The following NKTR variants were observed in gnomAD, a reference collection of about 807,000 sequenced individuals.
NKTR encodes the protein NK-tumor recognition protein.
NKTR carries 67 observed loss-of-function variants against 156.3 expected under a neutral mutation model. The observed-to-expected ratio is 0.43, with a 90% CI of 0.35 to 0.53. The LOEUF is 0.53. NKTR is among the 20% of genes least tolerant of loss of function. NKTR has a pLI of 0.01. For synonymous variants in NKTR, 640 were observed against 596.6 expected (o/e 1.07, Z -1.06); for missense variants, 1,604 against 1,730.9 (o/e 0.93, Z 1.30).
At chr3:42,641,845 T>C (rs1709914565) in intron 13 of NKTR, among the ~76,000 whole-genome samples, 1 of 147,704 alleles carries the variant, frequency 6.8e-6, no homozygotes, top group South Asian at 2.1e-4. Context: ...GCCACTGCAC[T>C]CCAGCCTGGG....
At chr3:42,628,046 G>GC in intron 6 of NKTR, 1 of 985,382 alleles carries the variant, frequency 1.0e-6, no homozygotes, top group East Asian at 1.1e-4. Flanking sequence ...TTAGCCAAGT[G>GC]CCAGTAACCC....
rs994864927 is a variant in NKTR at position 42,600,864 on chromosome 3, T to C, written c.-24+86T>C. On this transcript the variant is annotated intron_variant, in intron 1 of 16. Transcript: ENST00000232978. ...GGGGCCTCGTCTTGGCCTCCTGCGC[T>C]GTCGCGACGGGCCGGCGTGAGGCAC... is the stretch of plus-strand genomic sequence containing the variant. 3 of 568,006 alleles carry C rather than the reference T, an allele frequency of 5.3e-6. No homozygotes were observed. In the African/African-American group the frequency reaches 5.9e-5, roughly 11 times the overall value. The allele number at this position is 568,006 out of a possible 1,614,324, so 35.2% of individuals were successfully genotyped here.
At chr3:42,635,400 CTGTTA>C (rs1577554688) in intron 12 of NKTR, 34 bp downstream of exon 12, 1 of 1,530,060 alleles carries the variant, frequency 6.5e-7, no homozygotes, top group Non-Finnish European at 8.9e-7. Flanking sequence ...AATCCTGTGT[CTGTTA>C]TATTTTAAAT....
chr3:42,600,920 T>C (rs1705339448), intron 1 of NKTR, 64 bp from the exon 2 acceptor site: 2 of 1,018,230 alleles, frequency 2.0e-6, no homozygotes, highest in Non-Finnish European at 1.3e-6. Context: ...AGCCCCGCCC[T>C]CGCCCCTGCC....
intron 15 of NKTR, 46 bp from the exon 16 acceptor site, chr3:42,643,856 G>C: frequency 2.2e-6 from 3 of 1,345,612 alleles, no homozygotes; most frequent in Non-Finnish European, 2.1e-6. Context: ...GAACATATGA[G>C]TATCTGAGTG....
rs774351227 is a variant in NKTR, at chr3:42,639,029, C to G, written c.3325C>G (p.Gln1109Glu). Residue 1109 changes from glutamine to glutamate, a missense_variant, in exon 13 of 17, where the codon CAG becomes GAG. By Grantham distance (29) the Gln-to-Glu change is conservative. This residue lies in a region of NKTR where 1,255 missense variants were observed against 1,243.7 expected (regional missense o/e 1.01). Coordinates refer to ENST00000232978, the MANE Select transcript of NKTR (RefSeq NM_005385.4). The part of the protein sequence containing the change: ...EENVACLQNI[Q>E]HVEESVPNGV... ...AAATGTGGCCTGTTTACAAAACATT[C>G]AGCACGTTGAAGAAAGTGTTCCCAA... 1.7e-5 allele frequency: 28 copies of G among 1,613,736 alleles called. No homozygotes were observed. The highest frequency in any genetic ancestry group is 1.7e-5 in the Admixed American group (1 of 59,954).
intron 5 of NKTR, 67 bp downstream of exon 5, chr3:42,619,775 T>C: frequency 6.3e-7 from 1 of 1,588,590 alleles, no homozygotes; most frequent in Non-Finnish European, 8.6e-7. Flanking sequence ...ATCATATACT[T>C]TTAATGAGAA....
At chr3:42,645,851 T>G (rs1559599126) in intron 16 of NKTR, 37 bp from the exon 17 acceptor site, 1 of 1,436,836 alleles carries the variant, frequency 7.0e-7, no homozygotes, top group East Asian at 2.3e-5. Flanking sequence ...GATTTTACAG[T>G]TACAAGATTT....
In NKTR at chr3:42,639,535, C is replaced by T; in HGVS notation, c.3831C>T (p.Leu1277=). 6.2e-7 allele frequency: 1 copy of T among 1,614,152 alleles called. No homozygotes were observed. The highest frequency in any genetic ancestry group is 8.5e-7 in the Non-Finnish European group (1 of 1,180,024). ...AAAATAAAGTTCGGCCTGGGTCTCT[C>T]TTTGATGAAGTAAGAAAGACAGCAC... The part of the protein sequence containing the change: ...KSKNKVRPGS[L]FDEVRKTARL... The change falls in exon 13 of 17, where the codon CTC becomes CTT. Residue 1277 remains leucine (L), a synonymous_variant. Transcript: ENST00000232978.
At position 42,637,185 on chromosome 3, in the gene NKTR, A is replaced by G. The variant is rs1709503594; in HGVS notation, c.1481A>G (p.His494Arg). ...SSRSSSLSSHHSSKRDWSKSD... is the reference protein window; with the variant it reads ...SSRSSSLSSHRSSKRDWSKSD... ...CGTTCTTCCTCATTGTCATCTCATC[A>G]CTCATCAAAGAGAGACTGGTCTAAA... Residue 494 changes from histidine to arginine, a missense_variant, in exon 13 of 17, where the codon CAC becomes CGC. By Grantham distance (29) the His-to-Arg change is conservative. Around this residue, in one of 6 missense-constraint regions of NKTR, gnomAD observed 1,255 missense variants for 1,243.7 expected, o/e 1.01. Transcript: ENST00000232978. 6.2e-7 allele frequency: 1 copy of G among 1,611,628 alleles called. No homozygotes were observed. The highest frequency in any genetic ancestry group is 1.1e-5 in the South Asian group (1 of 90,440).
chr3:42,632,713 CAGA>C lies in NKTR; in HGVS notation c.666_668del (p.Arg224del), dbSNP rs1166614361. On this transcript the variant is annotated inframe_deletion, in exon 9 of 17. Transcript: ENST00000232978. ...AAAGTGAACTTGAACATGAGAGAAG[CAGA>C]AGGAGGAAACATAAGAGGAGGCCAA... 3 of 1,613,658 alleles carry C rather than the reference CAGA, an allele frequency of 1.9e-6. No individual in the cohort carries two copies. The highest frequency in any genetic ancestry group is 1.7e-6 in the Non-Finnish European group (2 of 1,179,814).
At position 42,607,969 on chromosome 3, in the gene NKTR, C is replaced by CT. The variant is rs201803926; in HGVS notation, c.58+6948dup. Among the ~76,000 whole-genome samples, 178 of 74,854 alleles carry CT rather than the reference C, an allele frequency of 2.4e-3. 6 individuals carry two copies. Among genetic ancestry groups the CT allele is most frequent in the South Asian group, 4.2e-3 (9 of 2,140 alleles). The allele number at this position is 74,854 out of a possible 152,430, so 49.1% of individuals were successfully genotyped here. A position where few individuals can be genotyped will look rare whatever the true frequency, so the allele number is the denominator to read the frequency against. ...TGCCAATCGCAAGTCCTGAGTCGCT[C>CT]TTTTTTTTTTTTTTTTTTTTTTTTT... On this transcript the variant is annotated intron_variant, in intron 2 of 16. Transcript: ENST00000232978.
intron 15 of NKTR, 59 bp from the exon 16 acceptor site, chr3:42,643,842 AT>A: frequency 8.4e-7 from 1 of 1,187,312 alleles, no homozygotes; most frequent in Non-Finnish European, 1.2e-6. Flanking sequence ...CTAAAAAGAA[AT>A]AGGAACATAT....
At chr3:42,636,812 A>C in intron 12 of NKTR, 56 bp from the exon 13 acceptor site, 3 of 1,509,762 alleles carry the variant, frequency 2.0e-6, no homozygotes, top group Non-Finnish European at 2.6e-6. Flanking sequence ...GCTGTGTCTT[A>C]AGGTGTAGAA....
At chr3:42,620,841 T>C in intron 5 of NKTR, 1 of 984,736 alleles carries the variant, frequency 1.0e-6, no homozygotes, top group Non-Finnish European at 1.2e-6. Flanking sequence ...AATTGTATTT[T>C]GCTATTTAAA....
intron 8 of NKTR, 107 bp downstream of exon 8, chr3:42,631,423 G>C (rs1052175355): frequency 1.6e-6 from 2 of 1,284,758 alleles, no homozygotes; most frequent in African/African-American, 3.0e-5. Context: ...ATAGCCCTTG[G>C]TGCCCCTGAA....
chr3:42,627,667 A>C, intron 6 of NKTR: 1 of 984,214 alleles, frequency 1.0e-6, no homozygotes, highest in Non-Finnish European at 1.2e-6. Context: ...GGGAAAACTG[A>C]AAAATCACTG....
rs570905298 is a variant in NKTR, at chr3:42,637,658, T to G, written c.1954T>G (p.Leu652Val). 9.9e-6 allele frequency: 16 copies of G among 1,612,794 alleles called. No homozygotes were observed. In the East Asian group the frequency reaches 2.9e-4, roughly 29 times the overall value. ...HLLPIQSTYS[L>V]ANIKETGSSS... ...GCTACCCATCCAAAGCACTTACAGT[T>G]TAGCAAATATTAAAGAGACTGGTAG... is the stretch of plus-strand genomic sequence containing the variant. Residue 652 changes from leucine to valine, a missense_variant, in exon 13 of 17, where the codon TTA (leucine) becomes GTA (valine). Transcript: ENST00000232978.
At position 42,639,693 on chromosome 3, in the gene NKTR, G is replaced by A. The variant is rs1380309957; in HGVS notation, c.3989G>A (p.Arg1330Lys). 6.2e-7 allele frequency: 1 copy of A among 1,613,850 alleles called. No homozygotes were observed. The highest frequency in any genetic ancestry group is 8.5e-7 in the Non-Finnish European group (1 of 1,179,868). The change falls in exon 13 of 17, where the codon AGG becomes AAG. Residue 1330 changes from arginine to lysine, a missense_variant. Physicochemically the swap from Arg to Lys is conservative, Grantham distance 26. Coordinates refer to ENST00000232978, the MANE Select transcript of NKTR (RefSeq NM_005385.4). ...KSETKSRHRT[R>K]SVSYSHSRSR... ...GAAACCAAATCAAGACACAGAACAAGGTCTGTCTCCTATAGTCACTCAAGA... is the reference window on the plus strand; with the variant it reads ...GAAACCAAATCAAGACACAGAACAAAGTCTGTCTCCTATAGTCACTCAAGA...
Sources: gnomAD v4.1 joint callset for allele counts (sites outside exome capture counted in the v4.1 genomes callset) on GRCh38, gnomAD v4.1.1 for gene constraint, gnomAD v4.1.1 regional missense constraint, MANE v1.5 for transcripts, NCBI Gene and HGNC (gene_info 2026-07-23, HGNC 2026-07-21) for gene names.